The following SLC43A2 variants were observed in gnomAD, a reference collection of about 807,000 sequenced individuals.
SLC43A2 encodes the protein solute carrier family 43 member 2.
SLC43A2 carries 38 observed loss-of-function variants against 63.2 expected under a neutral mutation model. The observed-to-expected ratio is 0.60, with a 90% CI of 0.46 to 0.79. The LOEUF (loss-of-function observed/expected upper bound fraction) is 0.79, where lower values mean the gene tolerates loss of function less well. SLC43A2 is among the 30% of genes least tolerant of loss of function. The pLI is 0.00. For synonymous variants in SLC43A2, 322 were observed against 331.0 expected (o/e 0.97, Z 0.30); for missense variants, 644 against 756.2 (o/e 0.85, Z 1.74).
chr17:1,590,989 G>A (rs916680433), intron 8 of SLC43A2, 41 bp from the exon 9 acceptor site: 13 of 1,542,490 alleles, frequency 8.4e-6, no homozygotes, highest in Non-Finnish European at 1.1e-5. Flanking sequence ...GGGGCACACT[G>A]TCCCCACCAC....
At chr17:1,579,789 A>T (rs2075984543) in intron 11 of SLC43A2, among the ~76,000 whole-genome samples, 1 of 152,078 alleles carries the variant, frequency 6.6e-6, no homozygotes, top group African/African-American at 2.4e-5. Flanking sequence ...GTGAGCCAAG[A>T]TCCCACCACT....
intron 2 of SLC43A2, among the ~76,000 whole-genome samples, chr17:1,624,055 C>T (rs771837502): frequency 9.8e-5 from 15 of 152,358 alleles, no homozygotes; most frequent in Admixed American, 5.2e-4. Flanking sequence ...CACAGGTATG[C>T]GTGTGATGAC....
At position 1,628,057 on chromosome 17, in the gene SLC43A2, A is replaced by G. The variant is rs1305621278; in HGVS notation, c.-46-137T>C. 10 of 877,756 alleles carry G rather than the reference A, an allele frequency of 1.1e-5. No individual in the cohort carries two copies. The East Asian group carries it at 3.2e-4, about 28-fold the overall frequency. 54.4% of individuals were successfully genotyped at this position (877,756 alleles called of 1,614,324 possible). A position where few individuals can be genotyped will look rare whatever the true frequency, so the allele number is the denominator to read the frequency against. ...GGCGGCCGGTGCGCGCAGCAGAGGA[A>G]GCGAACCCCAGCCCTGCCCGGACCT... On this transcript the variant is annotated intron_variant, in intron 1 of 13. Transcript: ENST00000301335.
chr17:1,592,382 G>A (rs548107390), intron 6 of SLC43A2, among the ~76,000 whole-genome samples: 1 of 152,200 alleles, frequency 6.6e-6, no homozygotes, highest in Non-Finnish European at 1.5e-5. Flanking sequence ...AGCCGAGATC[G>A]TGCTGCTGCA....
rs142934102 is a variant in SLC43A2, at chr17:1,576,669, G to A, written c.1476C>T (p.Ser492=). 7.5e-4 allele frequency: 1,214 copies of A among 1,611,080 alleles called. 2 individuals are homozygous for A. Among genetic ancestry groups the A allele is most frequent in the Non-Finnish European group, 9.4e-4 (1,110 of 1,179,982 alleles). The change falls in exon 13 of 14, where the codon AGC becomes AGT. Residue 492 remains serine, a synonymous_variant. Transcript: ENST00000301335. ...GSLTGLQSLI[S]ALFALLQQPL... Reference sequence around the variant, plus strand: ...GCTGCTGCAGAAGGGCGAAGAGCGCGCTGATCAGAGACTGCAGTCCCGTGA... The same window carrying A: ...GCTGCTGCAGAAGGGCGAAGAGCGCACTGATCAGAGACTGCAGTCCCGTGA...
intron 5 of SLC43A2, among the ~76,000 whole-genome samples, chr17:1,602,367 C>T (rs1203613840): frequency 1.3e-5 from 2 of 152,048 alleles, no homozygotes; most frequent in Admixed American, 6.6e-5. Context: ...ATTCACAGGC[C>T]GGGCACGGTG....
At chr17:1,623,750 CT>C (rs1908386201) in intron 2 of SLC43A2, among the ~76,000 whole-genome samples, 1 of 6,206 alleles carries the variant, frequency 1.6e-4, no homozygotes, top group African/African-American at 4.4e-4. Context: ...CTCCTCCAGG[CT>C]GTACCCTCCT....
At position 1,593,390 on chromosome 17, in the gene SLC43A2, TC is replaced by T; in HGVS notation, c.502-112del. Reference sequence around the variant, plus strand: ...AGGCCCCTTCTTCACCTGCGCCCCTTCCTGTGTGACTCACAGGGGCATTAGT... The same window carrying T: ...AGGCCCCTTCTTCACCTGCGCCCCTTCTGTGTGACTCACAGGGGCATTAGT... On this transcript the variant is annotated intron_variant, in intron 5 of 13. Coordinates refer to ENST00000301335, the MANE Select transcript of SLC43A2 (RefSeq NM_152346.3). This position sits in a 1 kb window ranked among gnomAD's most constrained non-coding sequence, Gnocchi z 5.3. 1.1e-6 allele frequency: 1 copy of T among 944,620 alleles called. No individual in the cohort carries two copies. The highest frequency in any genetic ancestry group is 1.7e-6 in the Non-Finnish European group (1 of 602,746). 58.5% of individuals were successfully genotyped at this position (944,620 alleles called of 1,614,324 possible). A position where few individuals can be genotyped will look rare whatever the true frequency, so the allele number is the denominator to read the frequency against.
At chr17:1,581,136 G>A (rs1330484593) in intron 11 of SLC43A2, among the ~76,000 whole-genome samples, 2 of 152,098 alleles carry the variant, frequency 1.3e-5, no homozygotes, top group African/African-American at 2.4e-5. Flanking sequence ...CCTGTTCCCA[G>A]GAATGTGGGT....
Position 1,591,299 on chromosome 17 carries a change from G to C in SLC43A2, c.901C>G (p.Leu301Val). ...GHKLCLSTVD[L>V]EVKCQPDAAV... ...GCATCCGGCTGGCACTTCACCTCCA[G>C]GTCGACGGTGGACAGGCACAGCTTG... The change falls in exon 8 of 14, where the codon CTG becomes GTG. Residue 301 changes from leucine (L) to valine (V), a missense_variant. Leu to Val is a conservative substitution (Grantham distance 32). This residue lies in a region of SLC43A2 where 528 missense variants were observed against 623.6 expected (regional missense o/e 0.85). Coordinates refer to ENST00000301335, the MANE Select transcript of SLC43A2 (RefSeq NM_152346.3). 1 of 1,606,594 alleles carries C rather than the reference G, an allele frequency of 6.2e-7. No homozygotes were observed. Among genetic ancestry groups the C allele is most frequent in the Non-Finnish European group, 8.5e-7 (1 of 1,179,924 alleles).
intron 2 of SLC43A2, among the ~76,000 whole-genome samples, chr17:1,618,537 A>C (rs1907884622): frequency 6.6e-6 from 1 of 152,182 alleles, no homozygotes; most frequent in African/African-American, 2.4e-5. Context: ...GGCTGTGGGG[A>C]GCACAGTCCC....
Position 1,570,619 on chromosome 17 carries a change from T to TG in SLC43A2, c.*4984dup, listed in dbSNP as rs2075833663. On this transcript the variant is annotated 3_prime_UTR_variant, in exon 14 of 14. Transcript: ENST00000301335. Reference sequence around the variant, plus strand: ...CTCCTGCCTCAGCCTCCCAAGTAGCTGGGACTACAGGCGCCCGCCACTACG... The same window carrying TG: ...CTCCTGCCTCAGCCTCCCAAGTAGCTGGGGACTACAGGCGCCCGCCACTACG... The TG allele has an allele frequency of 6.7e-6, 1 of 149,474 alleles. No individual in the cohort carries two copies. 9.3% of individuals were successfully genotyped at this position (149,474 alleles called of 1,614,324 possible).
chr17:1,591,711 CG>C lies in SLC43A2; in HGVS notation c.595-13del. 1 of 388,952 alleles carries C rather than the reference CG, an allele frequency of 2.6e-6. No homozygotes were observed. The highest frequency in any genetic ancestry group is 4.0e-6 in the Non-Finnish European group (1 of 251,624). The allele number at this position is 388,952 out of a possible 1,614,324, so 24.1% of individuals were successfully genotyped here. ...GCATCATAGATGAGCTGACAGGCACCGCGGGGACGGGGTGGGGGGGGGAGGG... is the reference window on the plus strand; with the variant it reads ...GCATCATAGATGAGCTGACAGGCACCCGGGGACGGGGTGGGGGGGGGAGGG... On this transcript the variant is annotated splice_polypyrimidine_tract_variant and intron_variant, in intron 6 of 13. Coordinates refer to ENST00000301335, the MANE Select transcript of SLC43A2 (RefSeq NM_152346.3).
intron 9 of SLC43A2, chr17:1,587,059 C>T (rs1002907684): frequency 5.0e-6 from 6 of 1,199,474 alleles, no homozygotes; most frequent in African/African-American, 3.3e-5. Flanking sequence ...AGGCTCACTC[C>T]ATGCCCAGCA....
upstream of SLC43A2, among the ~76,000 whole-genome samples, chr17:1,629,222 C>G (rs936751695): frequency 6.6e-6 from 1 of 152,110 alleles, no homozygotes; most frequent in Non-Finnish European, 1.5e-5. Flanking sequence ...GCCGGGCTCT[C>G]CCGCGGCCGC....
intron 13 of SLC43A2, among the ~76,000 whole-genome samples, chr17:1,576,206 C>A (rs1439679384): frequency 1.3e-5 from 2 of 151,734 alleles, no homozygotes; most frequent in Non-Finnish European, 2.9e-5. Flanking sequence ...GTCTCAGCCT[C>A]CCGAGTATCT....
intron 11 of SLC43A2, among the ~76,000 whole-genome samples, chr17:1,582,165 C>G (rs555295066): frequency 6.6e-6 from 1 of 151,180 alleles, no homozygotes. Flanking sequence ...CTGCAACCTC[C>G]GCCTCCCAGG....
chr17:1,608,881 G>A (rs1047030336), intron 5 of SLC43A2, among the ~76,000 whole-genome samples: 4 of 152,150 alleles, frequency 2.6e-5, no homozygotes, highest in Non-Finnish European at 5.9e-5. Flanking sequence ...CCCAGGGTAA[G>A]ATCTCCTGCT....
chr17:1,587,586 T>C (rs1304195412), intron 9 of SLC43A2, among the ~76,000 whole-genome samples: 1 of 152,180 alleles, frequency 6.6e-6, no homozygotes, highest in African/African-American at 2.4e-5. Flanking sequence ...GAGTGGAATG[T>C]CCTGGTCTAG....
Sources: allele counts gnomAD v4.1 joint callset (sites outside exome capture counted in the v4.1 genomes callset), GRCh38; gene constraint gnomAD v4.1.1; regional missense constraint gnomAD v4.1.1; non-coding constraint Gnocchi (gnomAD v3.1); transcripts MANE v1.5; gene names NCBI Gene and HGNC (gene_info 2026-07-23, HGNC 2026-07-21).